The following SLC22A13 variants were observed in gnomAD, a reference collection of about 807,000 sequenced individuals.
The protein encoded by SLC22A13 is solute carrier family 22 member 13, also known as organic anion transporter 10.
SLC22A13 carries 42 observed loss-of-function variants against 49.1 expected under a neutral mutation model. The observed-to-expected ratio is 0.85, with a 90% CI of 0.67 to 1.11. The LOEUF is 1.11. Among genes scored for constraint, SLC22A13 ranks in the 50% least tolerant of loss-of-function variants. The pLI, the probability that SLC22A13 is intolerant of heterozygous loss-of-function variation, is 0.00. For synonymous variants in SLC22A13, 282 were observed against 293.1 expected (o/e 0.96, Z 0.39); for missense variants, 694 against 712.8 (o/e 0.97, Z 0.30).
intron 1 of SLC22A13, among the ~76,000 whole-genome samples, chr3:38,267,340 G>A (rs1575388084): frequency 6.8e-6 from 1 of 146,222 alleles, no homozygotes; most frequent in Non-Finnish European, 1.5e-5. Context: ...ACCACAGGGA[G>A]CTCTAGGGAG....
At position 38,275,115 on chromosome 3, in the gene SLC22A13, T is replaced by A. The variant is rs781292125; in HGVS notation, c.764T>A (p.Ile255Asn). Residue 255 changes from isoleucine (I) to asparagine (N), a missense_variant, in exon 4 of 10, where the codon ATC (isoleucine) becomes AAC (asparagine). Transcript: ENST00000311856. ...TTCCGCAACTGGAGGCTCCTTCAGA[T>A]CACCGGCACTGCGCCTGGCTTACTG... ...YGFRNWRLLQITGTAPGLLLF... is the reference protein window; with the variant it reads ...YGFRNWRLLQNTGTAPGLLLF... 64 of 1,614,112 alleles carry A rather than the reference T, an allele frequency of 4.0e-5. No individual in the cohort carries two copies. Among genetic ancestry groups the A allele is most frequent in the Non-Finnish European group, 4.8e-5 (57 of 1,180,048 alleles).
intron 1 of SLC22A13, among the ~76,000 whole-genome samples, chr3:38,269,817 T>C (rs1185612211): frequency 1.3e-5 from 2 of 151,814 alleles, no homozygotes; most frequent in East Asian, 3.9e-4. Context: ...CTGCACCCAT[T>C]AACTCGTCAT....
At position 38,266,096 on chromosome 3, in the gene SLC22A13, A is replaced by T; in HGVS notation, c.236A>T (p.His79Leu). The T allele has an allele frequency of 1.2e-6, 2 of 1,614,026 alleles. No homozygotes were observed. The highest frequency in any genetic ancestry group is 8.5e-7 in the Non-Finnish European group (1 of 1,179,988). Residue 79 changes from histidine to leucine, a missense_variant, in exon 1 of 10, where the codon CAC becomes CTC. Coordinates refer to ENST00000311856, the MANE Select transcript of SLC22A13 (RefSeq NM_004256.4). ...VLSVPLDTAG[H>L]PEPCLMFRPP... is the part of the protein sequence containing the mutation. ...AGCGTGCCCCTGGACACTGCAGGTC[A>T]CCCAGAGCCCTGCCTCATGTTCCGG...
At chr3:38,273,835 A>G (rs1487923689) in intron 1 of SLC22A13, among the ~76,000 whole-genome samples, 3 of 152,236 alleles carry the variant, frequency 2.0e-5, no homozygotes, top group Admixed American at 1.3e-4. Context: ...ACTTACTGAT[A>G]AGATGTATGC....
Position 38,277,092 on chromosome 3 carries a change from C to T in SLC22A13, c.1527C>T (p.Asp509=), listed in dbSNP as rs944755242. 40 of 1,575,612 alleles carry T rather than the reference C, an allele frequency of 2.5e-5. No homozygotes were observed. Among genetic ancestry groups the T allele is most frequent in the Non-Finnish European group, 3.4e-5 (40 of 1,160,500 alleles). Reference sequence around the variant, plus strand: ...AGACGCATGGCCAGGGCCTGAAAGACACCCTCCAGGACCTGGAGCTGGGGC... The same window carrying T: ...AGACGCATGGCCAGGGCCTGAAAGATACCCTCCAGGACCTGGAGCTGGGGC... The part of the protein sequence containing the change: ...LPETHGQGLK[D]TLQDLELGPH... Residue 509 remains aspartate (D), a synonymous_variant, in exon 9 of 10, where the codon GAC becomes GAT. Transcript: ENST00000311856.
At position 38,266,013 on chromosome 3, in the gene SLC22A13, A is replaced by C. The variant is rs775404525; in HGVS notation, c.153A>C (p.Ala51=). 3 of 1,614,148 alleles carry C rather than the reference A, an allele frequency of 1.9e-6. 1 individual carries two copies. The highest frequency in any genetic ancestry group is 2.2e-5 in the South Asian group (2 of 91,078). The change falls in exon 1 of 10, where the codon GCA becomes GCC. Residue 51 remains alanine, a synonymous_variant. Transcript: ENST00000311856. ...FMVLDEPHHC[A]VAWVKNHTFN... Reference sequence around the variant, plus strand: ...TCCTAGATGAGCCCCACCACTGTGCAGTGGCTTGGGTGAAGAACCACACTT... The same window carrying C: ...TCCTAGATGAGCCCCACCACTGTGCCGTGGCTTGGGTGAAGAACCACACTT...
In SLC22A13 at chr3:38,275,158, G is replaced by T. The variant is rs1381042270; in HGVS notation, c.806+1G>T. 6.2e-7 allele frequency: 1 copy of T among 1,614,152 alleles called. No homozygotes were observed. On this transcript the variant is annotated splice_donor_variant, in intron 4 of 9. Coordinates refer to ENST00000311856, the MANE Select transcript of SLC22A13 (RefSeq NM_004256.4). LOFTEE classifies it high-confidence loss of function. ...GCTTACTGCTCTTCTTCTACTTCTGGTGAGGAAAATACATGCCAGGAGCAA... is the reference window on the plus strand; with the variant it reads ...GCTTACTGCTCTTCTTCTACTTCTGTTGAGGAAAATACATGCCAGGAGCAA...
Position 38,275,199 on chromosome 3 carries a change from T to C in SLC22A13, c.806+42T>C, listed in dbSNP as rs1427822215. On this transcript the variant is annotated intron_variant, in intron 4 of 9. Coordinates refer to ENST00000311856, the MANE Select transcript of SLC22A13 (RefSeq NM_004256.4). ...CCAGGAGCAAGCCCCCCCAGGTTAG[T>C]TGTGTTGTGGTGGGGTTGCAGTGCA... 2.5e-6 allele frequency: 4 copies of C among 1,610,482 alleles called. No individual in the cohort carries two copies. The South Asian group carries it at 4.4e-5, about 18-fold the overall frequency.
rs764806624 is a variant in SLC22A13, at chr3:38,274,612, G to T, written c.491G>T (p.Arg164Leu). The change falls in exon 3 of 10, where the codon CGC (arginine) becomes CTC (leucine). Residue 164 changes from arginine (R) to leucine (L), a missense_variant. Physicochemically the swap from Arg to Leu is moderately radical, Grantham distance 102. Transcript: ENST00000311856. ...MFGPLCDRIG[R>L]KATILAQLLL... ...CTGCCCTGTTTCCTCAGGATTGGCC[G>T]CAAGGCCACAATCCTGGCGCAGCTG... is the stretch of plus-strand genomic sequence containing the variant. 3 of 1,613,354 alleles carry T rather than the reference G, an allele frequency of 1.9e-6. No individual in the cohort carries two copies. Among genetic ancestry groups the T allele is most frequent in the Non-Finnish European group, 1.7e-6 (2 of 1,179,786 alleles).
At chr3:38,273,676 T>G (rs570052424) in intron 1 of SLC22A13, among the ~76,000 whole-genome samples, 2 of 152,338 alleles carry the variant, frequency 1.3e-5, no homozygotes, top group East Asian at 1.9e-4. Flanking sequence ...ACATGGCATC[T>G]CCAGGCCAAA....
In SLC22A13 at chr3:38,275,630, A is replaced by G. The variant is rs1356512324; in HGVS notation, c.980A>G (p.His327Arg). The G allele has an allele frequency of 3.1e-6, 5 of 1,613,756 alleles. No individual in the cohort carries two copies. The highest frequency in any genetic ancestry group is 1.6e-4 in the Middle Eastern group (1 of 6,084). ...GGGAATGCCCTGGATCTGTTCAGAC[A>G]CCCCCAGCTCCGGAAGGTGACCCTG... ...PSGNALDLFR[H>R]PQLRKVTLII... The change falls in exon 6 of 10, where the codon CAC becomes CGC. Residue 327 changes from histidine to arginine, a missense_variant. By Grantham distance (29) the His-to-Arg change is conservative. Coordinates refer to ENST00000311856, the MANE Select transcript of SLC22A13 (RefSeq NM_004256.4).
intron 1 of SLC22A13, among the ~76,000 whole-genome samples, chr3:38,269,056 A>G (rs1703492670): frequency 6.6e-6 from 1 of 152,264 alleles, no homozygotes; most frequent in African/African-American, 2.4e-5. Context: ...GAGAGTCATT[A>G]CAAGCATGCC....
At chr3:38,271,577 C>T (rs1223999397) in intron 1 of SLC22A13, among the ~76,000 whole-genome samples, 2 of 151,102 alleles carry the variant, frequency 1.3e-5, no homozygotes, top group African/African-American at 2.4e-5. Flanking sequence ...AAATGACTCC[C>T]CTGTCTACGT....
chr3:38,276,858 C>T, intron 8 of SLC22A13, 54 bp from the exon 9 acceptor site: 1 of 1,496,334 alleles, frequency 6.7e-7, no homozygotes, highest in South Asian at 1.2e-5. Context: ...TAGGGTGAAG[C>T]TGAGGCCCAG....
Position 38,276,328 on chromosome 3 carries a change from A to G in SLC22A13, c.1279A>G (p.Met427Val). 6.2e-7 allele frequency: 1 copy of G among 1,613,822 alleles called. No individual in the cohort carries two copies. The highest frequency in any genetic ancestry group is 1.3e-5 in the African/African-American group (1 of 75,028). ...VVTMLAVVGK[M>V]ATAAAFTISY... ...CACCATGCTGGCTGTGGTGGGGAAGATGGCCACAGCTGCTGCCTTTACCAT... is the reference window on the plus strand; with the variant it reads ...CACCATGCTGGCTGTGGTGGGGAAGGTGGCCACAGCTGCTGCCTTTACCAT... Residue 427 changes from methionine to valine, a missense_variant, in exon 8 of 10, where the codon ATG becomes GTG. By Grantham distance (21) the Met-to-Val change is conservative. Coordinates refer to ENST00000311856, the MANE Select transcript of SLC22A13 (RefSeq NM_004256.4).
At chr3:38,266,804 G>A (rs976953187) in intron 1 of SLC22A13, among the ~76,000 whole-genome samples, 19 of 152,180 alleles carry the variant, frequency 1.2e-4, no homozygotes, top group East Asian at 1.9e-4. Context: ...ATAACTAAGC[G>A]TTCATTCTTG....
At position 38,265,822 on chromosome 3, in the gene SLC22A13, C is replaced by G. The variant is rs1217132518; in HGVS notation, c.-39C>G. On this transcript the variant is annotated 5_prime_UTR_variant, in exon 1 of 10. Coordinates refer to ENST00000311856, the MANE Select transcript of SLC22A13 (RefSeq NM_004256.4). ...TCCCAGAGCCAAGCTACAGAGCTACCCTAGTGTCCCCAGGCTGAGGAGGTA... is the reference window on the plus strand; with the variant it reads ...TCCCAGAGCCAAGCTACAGAGCTACGCTAGTGTCCCCAGGCTGAGGAGGTA... The G allele has an allele frequency of 6.2e-7, 1 of 1,601,662 alleles. No homozygotes were observed. Among genetic ancestry groups the G allele is most frequent in the South Asian group, 1.1e-5 (1 of 89,258 alleles).
rs972037577 is a variant in SLC22A13 at position 38,266,245 on chromosome 3, T to C, written c.378+7T>C. On this transcript the variant is annotated splice_region_variant and intron_variant, in intron 1 of 9. Coordinates refer to ENST00000311856, the MANE Select transcript of SLC22A13 (RefSeq NM_004256.4). ...CCCATCCCTGAAGAATGAGGTAGGC[T>C]TGTCCTTTTGCTGGTCTCTCCACCG... 5 of 1,610,158 alleles carry C rather than the reference T, an allele frequency of 3.1e-6. No homozygotes were observed. The highest frequency in any genetic ancestry group is 4.2e-6 in the Non-Finnish European group (5 of 1,177,108).
chr3:38,266,155 C>T lies in SLC22A13; in HGVS notation c.295C>T (p.Leu99Phe). The change falls in exon 1 of 10, where the codon CTC (leucine) becomes TTC (phenylalanine). Residue 99 changes from leucine (L) to phenylalanine (F), a missense_variant. Leu to Phe is a conservative substitution (Grantham distance 22). Coordinates refer to ENST00000311856, the MANE Select transcript of SLC22A13 (RefSeq NM_004256.4). ...PPANASLQDI[L>F]SHRFNETQPC... ...CGCCAATGCCAGCCTGCAGGACATC[C>T]TCAGCCACCGCTTCAATGAGACGCA... The T allele has an allele frequency of 1.2e-6, 2 of 1,614,224 alleles. No individual in the cohort carries two copies. The highest frequency in any genetic ancestry group is 1.7e-6 in the Non-Finnish European group (2 of 1,180,042).
Sources: allele counts gnomAD v4.1 joint callset (sites outside exome capture counted in the v4.1 genomes callset), GRCh38; gene constraint gnomAD v4.1.1; transcripts MANE v1.5; gene names NCBI Gene and HGNC (gene_info 2026-07-23, HGNC 2026-07-21).